Variants in PRPF18 observed in about 807,000 individuals in gnomAD.
The protein encoded by PRPF18 is pre-mRNA processing factor 18, also known as pre-mRNA-splicing factor 18.
A neutral mutation model predicts 46.5 loss-of-function variants in PRPF18; 38 were observed. That is an observed-to-expected ratio of 0.82 (90% CI 0.63 to 1.07). The LOEUF (loss-of-function observed/expected upper bound fraction) is 1.07, where lower values mean the gene tolerates loss of function less well. PRPF18 is among the 50% of genes least tolerant of loss of function. PRPF18 has a pLI of 0.00. For missense variants in PRPF18, 263 were observed against 410.0 expected (o/e 0.64, Z 3.10); for synonymous variants, 152 against 146.7 (o/e 1.04, Z -0.26).
At chr10:13,587,677 G>T (rs985339530) in intron 1 of PRPF18, among the ~76,000 whole-genome samples, 2 of 152,186 alleles carry the variant, frequency 1.3e-5, no homozygotes, top group African/African-American at 4.8e-5. Context: ...CCAGATACGG[G>T]GTAGCTGATA....
chr10:13,645,895 A>G, the PRPF18 span: 1 of 152,806 alleles, frequency 6.5e-6, no homozygotes, highest in Middle Eastern at 3.4e-3. Context: ...ACCTTGTGCA[A>G]AAAAATAGGA....
At chr10:13,595,181 G>A (rs1414766302) in intron 1 of PRPF18, among the ~76,000 whole-genome samples, 1 of 152,016 alleles carries the variant, frequency 6.6e-6, no homozygotes, top group Non-Finnish European at 1.5e-5. Context: ...GCAAATCTGA[G>A]CACAATGAAA....
chr10:13,602,786 G>A (rs188171939), intron 3 of PRPF18, among the ~76,000 whole-genome samples: 2 of 152,300 alleles, frequency 1.3e-5, no homozygotes, highest in South Asian at 2.1e-4. Flanking sequence ...AGGCTGGAGT[G>A]CAGTGGCATG....
chr10:13,627,109 G>A (rs1010403144), intron 9 of PRPF18, among the ~76,000 whole-genome samples: 2 of 152,154 alleles, frequency 1.3e-5, no homozygotes, highest in Non-Finnish European at 2.9e-5. Flanking sequence ...GTGTTGCTCT[G>A]TTGTTCAGAA....
intron 2 of PRPF18, 134 bp from the exon 3 acceptor site, chr10:13,600,110 C>T: frequency 6.1e-6 from 4 of 657,754 alleles, no homozygotes; most frequent in Non-Finnish European, 9.8e-6. Flanking sequence ...TTATTGTGAG[C>T]TCTTTGCTCA....
chr10:13,587,245 G>C (rs1156678420), intron 1 of PRPF18, 93 bp downstream of exon 1: 1 of 1,371,538 alleles, frequency 7.3e-7, no homozygotes, highest in Non-Finnish European at 1.0e-6. Context: ...CAGAGGATTC[G>C]GGGCGGGGAC....
intron 4 of PRPF18, among the ~76,000 whole-genome samples, chr10:13,608,613 T>C (rs1258571313): frequency 1.3e-5 from 2 of 152,240 alleles, no homozygotes; most frequent in South Asian, 2.1e-4. Context: ...ACATCTTCTC[T>C]CGGAATCTAT....
downstream of PRPF18, chr10:13,631,787 G>A (rs980094007): frequency 6.6e-6 from 1 of 152,280 alleles, no homozygotes; most frequent in African/African-American, 2.4e-5. Context: ...CATTGAGAAG[G>A]GCCGGGGATG....
chr10:13,624,005 G>C (rs2080459744), intron 9 of PRPF18, among the ~76,000 whole-genome samples: 1 of 152,116 alleles, frequency 6.6e-6, no homozygotes, highest in Admixed American at 6.5e-5. Context: ...ATTTATTTCA[G>C]ACAGGGTCTC....
chr10:13,639,392 G>A, the PRPF18 span: 38 of 152,310 alleles, frequency 2.5e-4, no homozygotes, highest in Admixed American at 2.5e-3. Flanking sequence ...TGTTATAGAT[G>A]TGAAAGATAC....
chr10:13,626,158 A>C (rs1256563642), intron 9 of PRPF18, among the ~76,000 whole-genome samples: 2 of 152,200 alleles, frequency 1.3e-5, no homozygotes, highest in African/African-American at 4.8e-5. Flanking sequence ...AAGATCCAAG[A>C]GCTGAGATCC....
the PRPF18 span, chr10:13,649,640 A>T: frequency 6.6e-6 from 1 of 152,240 alleles, no homozygotes; most frequent in Non-Finnish European, 1.5e-5. Flanking sequence ...TTATTGAAGT[A>T]CGTAAGGTAT....
chr10:13,647,682 T>C, the PRPF18 span: 1 of 150,738 alleles, frequency 6.6e-6, no homozygotes, highest in African/African-American at 2.4e-5. Flanking sequence ...TTTGTGATTA[T>C]AAAAGTGTGT....
chr10:13,609,690 G>C (rs1188686579), intron 4 of PRPF18, among the ~76,000 whole-genome samples: 1 of 152,158 alleles, frequency 6.6e-6, no homozygotes, highest in Non-Finnish European at 1.5e-5. Flanking sequence ...GGGCAAACGG[G>C]TTGGGGACTC....
chr10:13,591,564 C>A, intron 1 of PRPF18: 1 of 712,410 alleles, frequency 1.4e-6, no homozygotes, highest in Non-Finnish European at 2.6e-6. Flanking sequence ...ATTTGTGACT[C>A]CACAGCTTTC....
rs1275308449 is a variant in PRPF18 at position 13,623,503 on chromosome 10, C to T, written c.949-6757C>T. 3.9e-5 allele frequency among the ~76,000 whole-genome samples: 6 copies of T among 152,178 alleles called. No homozygotes were observed. The East Asian group carries it at 1.2e-3, about 29-fold the overall frequency. On this transcript the variant is annotated intron_variant, in intron 9 of 9. Transcript: ENST00000378572. ...TTCTTCACGTTCTTAGGATGTACCA[C>T]TAAATGGATTTGTGCTTTCCTCTTT...
chr10:13,625,935 G>A (rs569189725), intron 9 of PRPF18, among the ~76,000 whole-genome samples: 61 of 152,280 alleles, frequency 4.0e-4, no homozygotes, highest in African/African-American at 1.4e-3. Context: ...AGTCATTATC[G>A]TCATAGCTGA....
the PRPF18 span, chr10:13,651,620 C>A: frequency 3.0e-6 from 1 of 338,810 alleles, no homozygotes; most frequent in Non-Finnish European, 5.4e-6. Flanking sequence ...TTGCAGTGAG[C>A]CGAGATCATG....
the PRPF18 span, chr10:13,644,646 A>G: frequency 3.9e-4 from 59 of 152,370 alleles, no homozygotes; most frequent in African/African-American, 1.3e-3. Flanking sequence ...GCTACTATGC[A>G]TGATGTAGAA....
Sources: allele counts gnomAD v4.1 joint callset (sites outside exome capture counted in the v4.1 genomes callset), GRCh38; gene constraint gnomAD v4.1.1; transcripts MANE v1.5; gene names NCBI Gene and HGNC (gene_info 2026-07-23, HGNC 2026-07-21).